SPIN3: variants seen among roughly 807,000 people sequenced by gnomAD.
SPIN3 encodes the protein spindlin family member 3, also known as spindlin-3.
For missense variants in SPIN3, 176 were observed against 196.4 expected (o/e 0.90, Z 0.62); for synonymous variants, 74 against 74.3 (o/e 1.00, Z 0.02).
Position 56,992,738 on chromosome X carries a change from G to A in SPIN3, c.*1433C>T, listed in dbSNP as rs1924378307. On this transcript the variant is annotated 3_prime_UTR_variant, in exon 2 of 2. Coordinates refer to ENST00000374919, the MANE Select transcript of SPIN3 (RefSeq NM_001010862.3). The stretch of plus-strand genomic sequence containing the variant: ...ATGAGAAAGCTTTGGTTTTGGCCAG[G>A]TGCTTCTCTCAAAAACCATGCTTGT... 7.0e-6 allele frequency: 2 copies of A among 286,597 alleles called. No individual in the cohort carries two copies. Among genetic ancestry groups the A allele is most frequent in the Non-Finnish European group, 1.2e-5 (2 of 163,693 alleles). The allele number at this position is 286,597 out of a possible 1,213,427, so 23.6% of individuals were successfully genotyped here.
downstream of SPIN3, among the ~76,000 whole-genome samples, chrX:56,987,537 G>T (rs1011631531): frequency 9.0e-6 from 1 of 111,433 alleles, no homozygotes; most frequent in African/African-American, 3.3e-5. Context: ...TAGGTTATTT[G>T]TCTATATCTT....
At chrX:56,995,104 C>T (rs1339523963) in intron 1 of SPIN3, 112 bp downstream of exon 1, 2 of 587,329 alleles carry the variant, frequency 3.4e-6, no homozygotes, top group African/African-American at 2.3e-5. Flanking sequence ...ATCAAGGCAC[C>T]CTGGCTGAGT....
intron 3 of SPIN3, chrX:56,982,883 A>G (rs1306555258): frequency 8.9e-6 from 1 of 112,145 alleles, no homozygotes; most frequent in Non-Finnish European, 1.9e-5. Flanking sequence ...GGCAGGAGAA[A>G]CAAGTGCAAA....
intron 3 of SPIN3, among the ~76,000 whole-genome samples, chrX:56,983,094 G>C (rs747122269): frequency 8.9e-6 from 1 of 112,213 alleles, no homozygotes; most frequent in Admixed American, 9.5e-5. Flanking sequence ...ATGCAGTTTA[G>C]TGGCCCCATT....
chrX:56,984,206 CCATTT>C (rs1160682940), intron 3 of SPIN3: 2 of 187,043 alleles, frequency 1.1e-5, no homozygotes, highest in Non-Finnish European at 2.0e-5. Flanking sequence ...TCCATCCATT[CCATTT>C]GCTTTCTGCC....
chrX:56,980,680 T>C (rs1287713779), intron 3 of SPIN3, among the ~76,000 whole-genome samples: 2 of 110,506 alleles, frequency 1.8e-5, no homozygotes, highest in Non-Finnish European at 3.8e-5. Context: ...GTGACTCCTA[T>C]AGGACTTTAC....
At chrX:56,987,500 T>C (rs972273432), downstream of SPIN3, among the ~76,000 whole-genome samples, 2 of 111,755 alleles carry the variant, frequency 1.8e-5, no homozygotes, top group African/African-American at 6.5e-5. Flanking sequence ...ATACAACTTA[T>C]CACTCTCTGA....
At chrX:56,990,614 A>C (rs952328602), downstream of SPIN3, among the ~76,000 whole-genome samples, 3 of 112,205 alleles carry the variant, frequency 2.7e-5, no homozygotes, top group African/African-American at 9.7e-5. Flanking sequence ...CAGTAAAAAT[A>C]TACTGGCCTC....
chrX:56,987,072 G>A (rs762603258), downstream of SPIN3, among the ~76,000 whole-genome samples: 4 of 111,835 alleles, frequency 3.6e-5, no homozygotes, highest in Admixed American at 9.5e-5. Context: ...TGGAGGTTGC[G>A]GTGAGCCGAG....
downstream of SPIN3, among the ~76,000 whole-genome samples, chrX:56,987,437 T>A (rs1924244034): frequency 2.7e-5 from 3 of 111,432 alleles, no homozygotes; most frequent in Admixed American, 9.5e-5. Flanking sequence ...TTTGCTGAAG[T>A]AGTTCCCTTA....
Position 56,994,568 on chromosome X carries a change from A to G in SPIN3, c.380T>C (p.Ile127Thr), listed in dbSNP as rs757287468. 3.3e-6 allele frequency: 4 copies of G among 1,211,428 alleles called. No individual in the cohort carries two copies. Among genetic ancestry groups the G allele is most frequent in the Non-Finnish European group, 3.4e-6 (3 of 895,469 alleles). Reference protein sequence around the residue: ...SRISDTHLAEIMVGKAVEHIF... With the variant: ...SRISDTHLAETMVGKAVEHIF... Reference sequence around the variant, plus strand: ...ATGTTCCACTGCTTTGCCAACCATTATTTCTGCCAAGTGTGTATCACTGAT... The same window carrying G: ...ATGTTCCACTGCTTTGCCAACCATTGTTTCTGCCAAGTGTGTATCACTGAT... The change falls in exon 2 of 2, where the codon ATA (isoleucine) becomes ACA (threonine). Residue 127 changes from isoleucine (I) to threonine (T), a missense_variant. Physicochemically the swap from Ile to Thr is moderately conservative, Grantham distance 89 (BLOSUM62 -1). Coordinates refer to ENST00000374919, the MANE Select transcript of SPIN3 (RefSeq NM_001010862.3).
chrX:56,984,710 G>T (rs1460255578), intron 2 of SPIN3, among the ~76,000 whole-genome samples: 1 of 110,738 alleles, frequency 9.0e-6, no homozygotes, highest in Non-Finnish European at 1.9e-5. Context: ...GTCATCTGTT[G>T]TTCTCTATGT....
At chrX:56,990,639 T>C (rs1465893945), downstream of SPIN3, among the ~76,000 whole-genome samples, 2 of 112,009 alleles carry the variant, frequency 1.8e-5, no homozygotes, top group Non-Finnish European at 3.8e-5. Flanking sequence ...GAGAAGTTCC[T>C]CTCAGAGAAT....
chrX:56,979,774 T>C (rs1272635095), intron 3 of SPIN3: 2 of 111,748 alleles, frequency 1.8e-5, no homozygotes, highest in Non-Finnish European at 3.8e-5. Context: ...TTAAAAAGGA[T>C]TTTTTCCTGT....
intron 5 of SPIN3, chrX:56,978,220 CA>C (rs1924045611): frequency 8.9e-6 from 1 of 112,243 alleles, no homozygotes; most frequent in Non-Finnish European, 1.9e-5. Flanking sequence ...GAATTTCCTC[CA>C]AAGGGAATAT....
At chrX:56,983,773 C>A (rs987529559) in intron 3 of SPIN3, among the ~76,000 whole-genome samples, 1 of 112,615 alleles carries the variant, frequency 8.9e-6, no homozygotes, top group Non-Finnish European at 1.9e-5. Context: ...GGCTTGACTA[C>A]TGGGGACCCC....
chrX:56,990,978 A>T lies in SPIN3; in HGVS notation c.*3193T>A, dbSNP rs935290223. Reference sequence around the variant, plus strand: ...ACACAATATGCTTGTAAATACATGGAATATCTCTGGAATGATACATCAGTA... The same window carrying T: ...ACACAATATGCTTGTAAATACATGGTATATCTCTGGAATGATACATCAGTA... On this transcript the variant is annotated 3_prime_UTR_variant, in exon 2 of 2. Coordinates refer to ENST00000374919, the MANE Select transcript of SPIN3 (RefSeq NM_001010862.3). 3.6e-5 allele frequency: 4 copies of T among 110,701 alleles called. No homozygotes were observed. The highest frequency in any genetic ancestry group is 1.3e-4 in the African/African-American group (4 of 30,470). 9.1% of individuals were successfully genotyped at this position (110,701 alleles called of 1,213,427 possible). A position where few individuals can be genotyped will look rare whatever the true frequency, so the allele number is the denominator to read the frequency against.
downstream of SPIN3, among the ~76,000 whole-genome samples, chrX:56,989,223 A>G (rs954039122): frequency 9.0e-6 from 1 of 111,442 alleles, no homozygotes; most frequent in African/African-American, 3.3e-5. Flanking sequence ...GGATCTAAAG[A>G]TGGCTGCATA....
At position 56,994,384 on chromosome X, in the gene SPIN3, G is replaced by C; in HGVS notation, c.564C>G (p.Ile188Met). The part of the protein sequence containing the change: ...LDDYKDGDLR[I>M]LQDSNDSPLA... ...GAGGAGAATCATTGGAATCTTGAAG[G>C]ATGCGGAGGTCACCATCTTTATAAT... Residue 188 changes from isoleucine to methionine, a missense_variant, in exon 2 of 2, where the codon ATC (isoleucine) becomes ATG (methionine). Physicochemically the swap from Ile to Met is conservative, Grantham distance 10. Coordinates refer to ENST00000374919, the MANE Select transcript of SPIN3 (RefSeq NM_001010862.3). The C allele has an allele frequency of 2.5e-6, 3 of 1,211,150 alleles. No individual in the cohort carries two copies. Among genetic ancestry groups the C allele is most frequent in the Non-Finnish European group, 3.4e-6 (3 of 895,249 alleles).
Sources: allele counts gnomAD v4.1 joint callset (sites outside exome capture counted in the v4.1 genomes callset), GRCh38; gene constraint gnomAD v4.1.1; transcripts MANE v1.5; gene names NCBI Gene and HGNC (gene_info 2026-07-23, HGNC 2026-07-21).